PCDHGA6: variants seen among roughly 807,000 people sequenced by gnomAD.
PCDHGA6 encodes the protein protocadherin gamma-A6.
Under a neutral mutation model 60.6 loss-of-function variants are expected in PCDHGA6, and 41 were observed. That is an observed-to-expected ratio of 0.68 (90% confidence interval 0.53 to 0.88). PCDHGA6 has a LOEUF of 0.88. Ranked by LOEUF, PCDHGA6 falls within the 40% of genes least tolerant of loss-of-function variation. PCDHGA6 has a pLI of 0.00. For missense variants in PCDHGA6, 1,312 were observed against 1,203.0 expected, an observed-to-expected ratio of 1.09 and a Z score of -1.34; for synonymous variants, 594 against 524.4, an observed-to-expected ratio of 1.13 and a Z score of -1.81.
In PCDHGA6 at chr5:141,491,149, G is replaced by T; in HGVS notation, c.2425-3658G>T. 6.8e-6 allele frequency: 11 copies of T among 1,614,152 alleles called. No homozygotes were observed. The highest frequency in any genetic ancestry group is 9.3e-6 in the Non-Finnish European group (11 of 1,180,010). On this transcript the variant is annotated intron_variant, in intron 1 of 3. Transcript: ENST00000517434. This position sits in a 1 kb window ranked among gnomAD's most constrained non-coding sequence, Gnocchi z 6.9. ...GCGCACAGCCCGGGCCTTACTGGAGGATGACTCTGACACCCAGCAGGTGGT... is the reference window on the plus strand; with the variant it reads ...GCGCACAGCCCGGGCCTTACTGGAGTATGACTCTGACACCCAGCAGGTGGT...
chr5:141,451,256 A>T (rs376288655), intron 1 of PCDHGA6, among the ~76,000 whole-genome samples: 1 of 152,212 alleles, frequency 6.6e-6, no homozygotes, highest in African/African-American at 2.4e-5. Context: ...GTGGATCAGG[A>T]CTGGGTATAG....
At chr5:141,457,422 T>TC (rs1038085994) in intron 1 of PCDHGA6, among the ~76,000 whole-genome samples, 6 of 151,626 alleles carry the variant, frequency 4.0e-5, no homozygotes, top group African/African-American at 7.3e-5. Flanking sequence ...CATCCCTTTT[T>TC]CCCCCCCACC....
chr5:141,405,041 G>A (rs1276032851), intron 1 of PCDHGA6: 1 of 1,613,976 alleles, frequency 6.2e-7, no homozygotes, highest in Non-Finnish European at 8.5e-7. Flanking sequence ...CGTTGTGGCT[G>A]TGGCAGTCGT....
intron 1 of PCDHGA6, 63 bp from the exon 2 acceptor site, chr5:141,494,744 G>T: frequency 6.2e-7 from 1 of 1,612,702 alleles, no homozygotes; most frequent in South Asian, 1.1e-5. Flanking sequence ...CATCCCTAGG[G>T]GCTCGGGTGA....
rs778564034 is a variant in PCDHGA6 at position 141,384,738 on chromosome 5, GC to G, written c.2424+8233del. ...CATACCTCCTGCTTAAGGCCAGCGA[GC>G]CAGGACTCTTTGCGGTTGGGCTGTA... On this transcript the variant is annotated intron_variant, in intron 1 of 3. Coordinates refer to ENST00000517434, the MANE Select transcript of PCDHGA6 (RefSeq NM_018919.3). 10 of 1,614,098 alleles carry G rather than the reference GC, an allele frequency of 6.2e-6. No individual in the cohort carries two copies. The East Asian group carries it at 2.2e-4, about 36-fold the overall frequency.
At chr5:141,500,315 G>C (rs944076867) in intron 2 of PCDHGA6, among the ~76,000 whole-genome samples, 41 of 151,522 alleles carry the variant, frequency 2.7e-4, no homozygotes, top group African/African-American at 9.5e-4. Flanking sequence ...TTCACGCCAT[G>C]CTCCTGCCTC....
Position 141,429,441 on chromosome 5 carries a change from T to C in PCDHGA6, c.2424+52934T>C, listed in dbSNP as rs541676798. On this transcript the variant is annotated intron_variant, in intron 1 of 3. Transcript: ENST00000517434. ...TGTTGCCCAGGCTGGACTCAAACTCTTGGGCTACAGTAATCCTCCCACCTC... is the reference window on the plus strand; with the variant it reads ...TGTTGCCCAGGCTGGACTCAAACTCCTGGGCTACAGTAATCCTCCCACCTC... 1.5e-4 allele frequency among the ~76,000 whole-genome samples: 23 copies of C among 152,170 alleles called. No individual in the cohort carries two copies. The South Asian group carries it at 4.6e-3, about 30-fold the overall frequency.
intron 1 of PCDHGA6, chr5:141,405,510 C>T: frequency 1.4e-6 from 1 of 732,922 alleles, no homozygotes; most frequent in Non-Finnish European, 2.2e-6. Context: ...ACCTCCGCCT[C>T]CCAAATTCAA....
At chr5:141,381,823 C>CTTTT (rs1777506241) in intron 1 of PCDHGA6, among the ~76,000 whole-genome samples, 2 of 101,602 alleles carry the variant, frequency 2.0e-5, no homozygotes, top group Non-Finnish European at 3.9e-5. Context: ...TTTCTTTCTT[C>CTTTT]TTCTTTTTTT....
chr5:141,432,650 G>T lies in PCDHGA6; in HGVS notation c.2424+56143G>T. 6.2e-7 allele frequency: 1 copy of T among 1,613,868 alleles called. No individual in the cohort carries two copies. The highest frequency in any genetic ancestry group is 1.1e-5 in the South Asian group (1 of 91,064). On this transcript the variant is annotated intron_variant, in intron 1 of 3. Transcript: ENST00000517434. The surrounding 1 kb of genome is among the most constrained non-coding windows in gnomAD (Gnocchi z 6.0). The stretch of plus-strand genomic sequence containing the variant: ...CACGGGCGAGGTGCGCACGGCGCGA[G>T]CCCTGCTGGACAGAGACGCGCTCAA...
chr5:141,501,852 A>G (rs922276780), intron 2 of PCDHGA6, among the ~76,000 whole-genome samples: 2 of 151,924 alleles, frequency 1.3e-5, no homozygotes, highest in African/African-American at 4.8e-5. Context: ...TCAACCTTCA[A>G]CCATTTCCCA....
intron 2 of PCDHGA6, among the ~76,000 whole-genome samples, chr5:141,502,296 G>A (rs758304596): frequency 7.9e-5 from 12 of 151,130 alleles, no homozygotes; most frequent in Non-Finnish European, 1.2e-4. Context: ...TGGTTGTCAC[G>A]TCTTTCCTCT....
intron 1 of PCDHGA6, chr5:141,382,843 C>T (rs1588925022): frequency 5.4e-6 from 8 of 1,471,852 alleles, no homozygotes; most frequent in East Asian, 2.3e-5. Flanking sequence ...CCCGGATACA[C>T]CCGCATTCTG....
At chr5:141,398,878 C>T in intron 1 of PCDHGA6, 2 of 1,613,968 alleles carry the variant, frequency 1.2e-6, no homozygotes, top group Non-Finnish European at 1.7e-6. Context: ...CAGAGTCAGC[C>T]TTCGGGAAAA....
chr5:141,487,058 C>T lies in PCDHGA6; in HGVS notation c.2425-7749C>T, dbSNP rs775720601. 23 of 1,613,980 alleles carry T rather than the reference C, an allele frequency of 1.4e-5. No individual in the cohort carries two copies. The highest frequency in any genetic ancestry group is 1.0e-4 in the Admixed American group (6 of 59,996). ...AGTCTCTCGATATGCTGGGGAGGTGCGGACGGCTGTTCCTATCCCAGCTGA... is the reference window on the plus strand; with the variant it reads ...AGTCTCTCGATATGCTGGGGAGGTGTGGACGGCTGTTCCTATCCCAGCTGA... On this transcript the variant is annotated intron_variant, in intron 1 of 3. Transcript: ENST00000517434. The surrounding 1 kb of genome is among the most constrained non-coding windows in gnomAD (Gnocchi z 5.0).
At chr5:141,457,500 A>G (rs1483244745) in intron 1 of PCDHGA6, among the ~76,000 whole-genome samples, 1 of 152,244 alleles carries the variant, frequency 6.6e-6, no homozygotes, top group African/African-American at 2.4e-5. Context: ...AAATGTAGGC[A>G]AAAAGCTTAA....
intron 1 of PCDHGA6, chr5:141,409,586 G>C: frequency 6.2e-7 from 1 of 1,613,908 alleles, no homozygotes; most frequent in Non-Finnish European, 8.5e-7. Flanking sequence ...GGTCCACGTG[G>C]CCGAGAACAA....
In PCDHGA6 at chr5:141,404,353, A is replaced by G. The variant is rs778714799; in HGVS notation, c.2424+27846A>G. ...TCTACCTCCCGGAAAACAACGCCAGAGGTACTTCCATCTTCTCCGTGATTG... is the reference window on the plus strand; with the variant it reads ...TCTACCTCCCGGAAAACAACGCCAGGGGTACTTCCATCTTCTCCGTGATTG... On this transcript the variant is annotated intron_variant, in intron 1 of 3. Coordinates refer to ENST00000517434, the MANE Select transcript of PCDHGA6 (RefSeq NM_018919.3). 2.0e-5 allele frequency: 33 copies of G among 1,613,948 alleles called. No individual in the cohort carries two copies. In the Admixed American group the frequency reaches 5.5e-4, roughly 27 times the overall value.
intron 1 of PCDHGA6, chr5:141,393,026 G>A (rs1215893899): frequency 1.2e-6 from 2 of 1,613,832 alleles, no homozygotes; most frequent in East Asian, 4.5e-5. Context: ...CCAGAGGTAG[G>A]ACGCAGCTCT....
Sources: allele counts gnomAD v4.1 joint callset (sites outside exome capture counted in the v4.1 genomes callset), GRCh38; gene constraint gnomAD v4.1.1; non-coding constraint Gnocchi (gnomAD v3.1); transcripts MANE v1.5; gene names NCBI Gene and HGNC (gene_info 2026-07-23, HGNC 2026-07-21).